Variants in CEP112 observed in about 807,000 individuals in gnomAD.
CEP112 encodes centrosomal protein of 112 kDa.
In CEP112, 127 loss-of-function variants were observed where a neutral mutation model predicts 153.0. The ratio of observed to expected loss-of-function variants is 0.83; its 90% confidence interval spans 0.72 to 0.96. The LOEUF is 0.96. Among genes scored for constraint, CEP112 ranks in the 40% least tolerant of loss-of-function variants. The pLI is 0.00. For missense variants in CEP112, 1,089 were observed against 1,101.2 expected (o/e 0.99, Z 0.16); for synonymous variants, 358 against 374.4 (o/e 0.96, Z 0.51).
chr17:65,940,373 A>C (rs1160504871), intron 18 of CEP112, among the ~76,000 whole-genome samples: 1 of 152,168 alleles, frequency 6.6e-6, no homozygotes, highest in Non-Finnish European at 1.5e-5. Context: ...TTCATCCAGC[A>C]GTCCCACTAC....
At chr17:65,920,483 T>A (rs931452225) in intron 19 of CEP112, among the ~76,000 whole-genome samples, 3 of 145,566 alleles carry the variant, frequency 2.1e-5, no homozygotes, top group Non-Finnish European at 4.5e-5. Context: ...GCTGAATATG[T>A]GTAAAGCAAG....
intron 21 of CEP112, among the ~76,000 whole-genome samples, chr17:65,837,959 G>A (rs1389773150): frequency 6.6e-6 from 1 of 152,048 alleles, no homozygotes; most frequent in African/African-American, 2.4e-5. Context: ...GCGGAAGGCG[G>A]CAGGGCCCTC....
At chr17:65,738,665 G>A (rs139331038) in intron 23 of CEP112, among the ~76,000 whole-genome samples, 1 of 152,026 alleles carries the variant, frequency 6.6e-6, no homozygotes, top group Non-Finnish European at 1.5e-5. Flanking sequence ...TTATAAATGA[G>A]CATATGACAT....
At chr17:65,720,821 C>T (rs759118975) in intron 23 of CEP112, among the ~76,000 whole-genome samples, 4 of 152,226 alleles carry the variant, frequency 2.6e-5, no homozygotes, top group African/African-American at 9.6e-5. Context: ...TTAGTTCACT[C>T]GATTCTTGCA....
At chr17:66,023,493 C>T (rs186860650) in intron 16 of CEP112, among the ~76,000 whole-genome samples, 1 of 152,182 alleles carries the variant, frequency 6.6e-6, no homozygotes, top group East Asian at 1.9e-4. Context: ...GAAAGAAATA[C>T]AAAGTATTTC....
rs111416824 is a variant in CEP112, at chr17:65,813,256, G to A, written c.2394+38548C>T. The stretch of plus-strand genomic sequence containing the variant: ...AGATCAAGTCCAAAGTGATCAATAA[G>A]AGCTGAAAGATCAGTCAAGTACCAA... On this transcript the variant is annotated intron_variant, in intron 21 of 26. Coordinates refer to ENST00000535342, the MANE Select transcript of CEP112 (RefSeq NM_001199165.4). 1.5e-3 allele frequency among the ~76,000 whole-genome samples: 235 copies of A among 152,218 alleles called. 1 individual carries two copies. The highest frequency in any genetic ancestry group is 5.4e-3 in the African/African-American group (225 of 41,528).
At chr17:66,152,662 C>T (rs1393046037) in intron 4 of CEP112, among the ~76,000 whole-genome samples, 1 of 152,048 alleles carries the variant, frequency 6.6e-6, no homozygotes, top group Non-Finnish European at 1.5e-5. Context: ...CCACAGATCC[C>T]CTTAAAAAGA....
chr17:66,133,547 C>T (rs1470911851), intron 4 of CEP112, among the ~76,000 whole-genome samples: 6 of 152,106 alleles, frequency 3.9e-5, no homozygotes, highest in African/African-American at 1.2e-4. Context: ...CAAAAAGACT[C>T]GTCTCTAATA....
rs77912365 is a variant in CEP112, at chr17:65,716,086, G to A, written c.2608-26868C>T. Among the ~76,000 whole-genome samples, 1,014 of 152,184 alleles carry A rather than the reference G, an allele frequency of 6.7e-3. 9 individuals are homozygous for A. The highest frequency in any genetic ancestry group is 0.023 in the African/African-American group (968 of 41,556). On this transcript the variant is annotated intron_variant, in intron 23 of 26. Coordinates refer to ENST00000535342, the MANE Select transcript of CEP112 (RefSeq NM_001199165.4). ...TACCAAACCGAGCACTGGATATAAA[G>A]CAAAGAATAAGAAACGAACGCATGG...
chr17:66,056,095 T>C lies in CEP112; in HGVS notation c.1075-2216A>G, dbSNP rs76879647. On this transcript the variant is annotated intron_variant, in intron 11 of 26. Coordinates refer to ENST00000535342, the MANE Select transcript of CEP112 (RefSeq NM_001199165.4). ...AATCTTGCTGGAGTTTATGAAACCATAGGACATAACAATGAGTTGATCCAT... is the reference window on the plus strand; with the variant it reads ...AATCTTGCTGGAGTTTATGAAACCACAGGACATAACAATGAGTTGATCCAT... Among the ~76,000 whole-genome samples the C allele has an allele frequency of 6.2e-3, 943 of 152,264 alleles. 8 individuals are homozygous for C. The highest frequency in any genetic ancestry group is 0.021 in the African/African-American group (875 of 41,544).
rs2044737203 is a variant in CEP112 at position 65,635,721 on chromosome 17, C to T, written c.*250G>A. ...CACTTTGCCCAATATAAGCAGTTCT[C>T]AGCACATACTCAAATGCACACAAAC... On this transcript the variant is annotated 3_prime_UTR_variant, in exon 27 of 27. Transcript: ENST00000535342. The T allele has an allele frequency of 1.8e-6, 1 of 550,146 alleles. No individual in the cohort carries two copies. Among genetic ancestry groups the T allele is most frequent in the African/African-American group, 1.9e-5 (1 of 52,382 alleles). The allele number at this position is 550,146 out of a possible 1,614,324, so 34.1% of individuals were successfully genotyped here.
At chr17:66,067,274 C>T (rs150536450) in intron 9 of CEP112, among the ~76,000 whole-genome samples, 285 of 152,170 alleles carry the variant, frequency 1.9e-3, no homozygotes, top group African/African-American at 6.7e-3. Flanking sequence ...TGAATATTGC[C>T]GCAAATTGGC....
At chr17:66,186,602 T>G (rs1382516677) in intron 1 of CEP112, among the ~76,000 whole-genome samples, 1 of 152,190 alleles carries the variant, frequency 6.6e-6, no homozygotes, top group Non-Finnish European at 1.5e-5. Context: ...TCTTGTCCTC[T>G]TAAATGCTCT....
In CEP112 at chr17:65,855,213, T is replaced by G. The variant is rs187915416; in HGVS notation, c.2164-3179A>C. Among the ~76,000 whole-genome samples, 308 of 152,340 alleles carry G rather than the reference T, an allele frequency of 2.0e-3. 1 individual carries two copies. The highest frequency in any genetic ancestry group is 8.9e-3 in the South Asian group (43 of 4,830). ...AGGTGGGTTGCAGGAATGCTTTACC[T>G]TCTGCTCTTGTCTCTCTCTTTTGTA... On this transcript the variant is annotated intron_variant, in intron 20 of 26. Transcript: ENST00000535342.
chr17:66,002,300 A>G (rs1598071841), intron 17 of CEP112, among the ~76,000 whole-genome samples: 2 of 152,272 alleles, frequency 1.3e-5, no homozygotes, highest in South Asian at 4.1e-4. Context: ...AAGCCACTCA[A>G]CTTTTCCATT....
At chr17:66,085,735 T>C (rs1274910992) in intron 8 of CEP112, among the ~76,000 whole-genome samples, 4 of 152,016 alleles carry the variant, frequency 2.6e-5, no homozygotes, top group African/African-American at 9.7e-5. Context: ...TCCCAGCACT[T>C]TGGGAGGCCG....
chr17:66,016,862 T>C (rs34362978), intron 16 of CEP112, among the ~76,000 whole-genome samples: 62,398 of 151,918 alleles, frequency 0.41, 14,278 homozygotes, highest in East Asian at 0.87. Context: ...TCTAAAATTA[T>C]ACGATGATTA....
At chr17:65,891,323 G>A (rs979058706) in intron 20 of CEP112, among the ~76,000 whole-genome samples, 4 of 152,160 alleles carry the variant, frequency 2.6e-5, no homozygotes, top group South Asian at 4.1e-4. Flanking sequence ...TGCTCAGTTC[G>A]CATCTCTGGA....
At chr17:65,927,496 C>A in intron 19 of CEP112, 86 bp downstream of exon 19, 1 of 708,868 alleles carries the variant, frequency 1.4e-6, no homozygotes, top group Non-Finnish European at 2.4e-6. Context: ...TTTCATTATG[C>A]AGATATTTTG....
Sources: allele counts gnomAD v4.1 joint callset (sites outside exome capture counted in the v4.1 genomes callset), GRCh38; gene constraint gnomAD v4.1.1; transcripts MANE v1.5; gene names NCBI Gene and HGNC (gene_info 2026-07-23, HGNC 2026-07-21).